Variants in PTGER3 observed in about 807,000 individuals in gnomAD.
The protein encoded by PTGER3 is prostaglandin E receptor 3.
A neutral mutation model predicts 34.7 loss-of-function variants in PTGER3; 22 were observed. That is an observed-to-expected ratio of 0.63 (90% CI 0.45 to 0.91). The LOEUF (loss-of-function observed/expected upper bound fraction) is 0.91. Ranked by LOEUF, PTGER3 falls within the 40% of genes least tolerant of loss-of-function variation. PTGER3 has a pLI of 0.00. For synonymous variants in PTGER3, 241 were observed against 230.1 expected (o/e 1.05, Z -0.43); for missense variants, 468 against 519.4 (o/e 0.90, Z 0.96).
intron 2 of PTGER3, among the ~76,000 whole-genome samples, chr1:70,977,784 C>T (rs1653853805): frequency 6.6e-6 from 1 of 151,974 alleles, no homozygotes; most frequent in Admixed American, 6.6e-5. Context: ...TACACACAAA[C>T]ACCTGTGCTT....
intron 4 of PTGER3, among the ~76,000 whole-genome samples, chr1:70,904,642 G>A (rs1056818988): frequency 6.6e-6 from 1 of 152,262 alleles, no homozygotes; most frequent in Non-Finnish European, 1.5e-5. Context: ...TTGAACTTGA[G>A]GAGGATGATT....
intron 1 of PTGER3, among the ~76,000 whole-genome samples, chr1:71,041,263 C>T (rs534372802): frequency 2.6e-5 from 4 of 152,296 alleles, no homozygotes; most frequent in Admixed American, 2.0e-4. Context: ...TTACATTAGC[C>T]TACAGGTGGG....
intron 1 of PTGER3, among the ~76,000 whole-genome samples, chr1:71,046,285 C>CAAAAAA (rs34411077): frequency 1.2e-5 from 1 of 81,152 alleles, no homozygotes; most frequent in Non-Finnish European, 2.2e-5. Flanking sequence ...GACTCCGTCT[C>CAAAAAA]AAAAAAAAAA....
At chr1:70,960,577 A>G (rs977214) in intron 2 of PTGER3, among the ~76,000 whole-genome samples, 20,127 of 152,128 alleles carry the variant, frequency 0.13, 2,068 homozygotes, top group African/African-American at 0.28. Context: ...CAGAAATATG[A>G]GAAATGAGAG....
chr1:70,881,296 T>G (rs1285095489), intron 4 of PTGER3, among the ~76,000 whole-genome samples: 1 of 152,160 alleles, frequency 6.6e-6, no homozygotes, highest in Non-Finnish European at 1.5e-5. Context: ...CATTTTATCT[T>G]TCATCTCCTG....
At chr1:70,878,069 T>G (rs928573234) in intron 4 of PTGER3, among the ~76,000 whole-genome samples, 1 of 152,158 alleles carries the variant, frequency 6.6e-6, no homozygotes, top group African/African-American at 2.4e-5. Context: ...TTTGTAAGTC[T>G]GGTAGAATTC....
chr1:70,903,562 C>T (rs1646884262), intron 4 of PTGER3, among the ~76,000 whole-genome samples: 1 of 152,158 alleles, frequency 6.6e-6, no homozygotes, highest in African/African-American at 2.4e-5. Flanking sequence ...TTAATTCAAA[C>T]TTCTATCTCT....
chr1:70,996,493 G>A (rs1468472663), intron 2 of PTGER3, among the ~76,000 whole-genome samples: 2 of 151,888 alleles, frequency 1.3e-5, no homozygotes, highest in South Asian at 2.1e-4. Flanking sequence ...TTGAGAAGGA[G>A]TCTCCCTCTG....
chr1:70,879,540 G>A (rs553665975), intron 4 of PTGER3, among the ~76,000 whole-genome samples: 14 of 152,218 alleles, frequency 9.2e-5, no homozygotes, highest in African/African-American at 3.1e-4. Context: ...GAGCCACAAC[G>A]TCTAGCCTCC....
chr1:70,954,536 A>T (rs923815307), intron 2 of PTGER3, among the ~76,000 whole-genome samples: 3 of 152,274 alleles, frequency 2.0e-5, no homozygotes, highest in Middle Eastern at 3.4e-3. Flanking sequence ...AATGGGCATT[A>T]AGATCTTTGT....
At chr1:71,022,716 C>G (rs1376957597) in intron 1 of PTGER3, among the ~76,000 whole-genome samples, 4 of 151,400 alleles carry the variant, frequency 2.6e-5, no homozygotes, top group Non-Finnish European at 5.9e-5. Context: ...CACACACACA[C>G]AAACACACAT....
At chr1:70,916,633 G>A (rs2100419145) in intron 4 of PTGER3, among the ~76,000 whole-genome samples, 1 of 152,084 alleles carries the variant, frequency 6.6e-6, no homozygotes, top group African/African-American at 2.4e-5. Flanking sequence ...CACAGGAACA[G>A]AAAACCAAAT....
intron 4 of PTGER3, among the ~76,000 whole-genome samples, chr1:70,862,963 C>T (rs1383534429): frequency 1.3e-5 from 2 of 152,160 alleles, no homozygotes; most frequent in Middle Eastern, 3.4e-3. Flanking sequence ...GCTTGAGCTC[C>T]AGGCAAGGCA....
At chr1:70,937,893 A>AT (rs958846878) in intron 4 of PTGER3, among the ~76,000 whole-genome samples, 22 of 152,038 alleles carry the variant, frequency 1.4e-4, no homozygotes, top group African/African-American at 5.1e-4. Flanking sequence ...ATTAAAAAAA[A>AT]ATAGAAAGGT....
At chr1:70,998,466 C>T (rs1656176269) in intron 2 of PTGER3, 1 of 152,058 alleles carries the variant, frequency 6.6e-6, no homozygotes, top group Admixed American at 6.6e-5. Flanking sequence ...CCTCAATGTC[C>T]CCACAACCTA....
At chr1:71,012,630 C>G in intron 1 of PTGER3, 146 bp from the exon 2 acceptor site, 1 of 692,504 alleles carries the variant, frequency 1.4e-6, no homozygotes, top group South Asian at 1.9e-5. Context: ...ACTTGGATAA[C>G]ACAGTCCTGA....
At chr1:70,913,449 C>T (rs1159349395) in intron 4 of PTGER3, among the ~76,000 whole-genome samples, 2 of 151,778 alleles carry the variant, frequency 1.3e-5, no homozygotes, top group African/African-American at 2.4e-5. Flanking sequence ...ATAGAAAGTT[C>T]GTTTTTAAAT....
chr1:70,891,606 G>T (rs943792659), intron 4 of PTGER3, among the ~76,000 whole-genome samples: 3 of 152,164 alleles, frequency 2.0e-5, no homozygotes, highest in African/African-American at 7.2e-5. Flanking sequence ...GTATGGAAAT[G>T]GTCAGTGTCA....
rs1467381636 is a variant in PTGER3 at position 70,981,388 on chromosome 1, TTTCTTTCCTTCC to T, written c.1078-7012_1078-7001del. Among the ~76,000 whole-genome samples the T allele has an allele frequency of 2.8e-3, 111 of 40,064 alleles. 1 individual carries two copies. The highest frequency in any genetic ancestry group is 0.015 in the South Asian group (14 of 958). 26.3% of individuals were successfully genotyped at this position (40,064 alleles called of 152,430 possible). ...CTTTCTTTCTTTCTTTCTTTCTTTC[TTTCTTTCCTTCC>T]TTCCTTCCTTCCTTCCTTCTTTCTT... is the stretch of plus-strand genomic sequence containing the variant. On this transcript the variant is annotated intron_variant, in intron 2 of 3. Transcript: ENST00000306666.
Sources: allele counts gnomAD v4.1 joint callset (sites outside exome capture counted in the v4.1 genomes callset), GRCh38; gene constraint gnomAD v4.1.1; transcripts MANE v1.5; gene names NCBI Gene and HGNC (gene_info 2026-07-23, HGNC 2026-07-21).